SGCZ: variants seen among roughly 807,000 people sequenced by gnomAD.
SGCZ encodes the protein sarcoglycan zeta, also known as zeta-sarcoglycan.
A neutral mutation model predicts 41.3 loss-of-function variants in SGCZ; 40 were observed. The observed-to-expected ratio is 0.97, with a 90% CI of 0.75 to 1.26. The LOEUF (loss-of-function observed/expected upper bound fraction) is 1.26, where lower values mean the gene tolerates loss of function less well. Ranked by LOEUF, SGCZ falls within the 50% of genes most tolerant of loss-of-function variation. The pLI is 0.00. For synonymous variants in SGCZ, 206 were observed against 137.5 expected (o/e 1.50, Z -3.49); for missense variants, 552 against 369.8 (o/e 1.49, Z -4.04).
intron 1 of SGCZ, among the ~76,000 whole-genome samples, chr8:15,150,351 A>C (rs1345676072): frequency 1.3e-5 from 2 of 152,234 alleles, no homozygotes; most frequent in Non-Finnish European, 2.9e-5. Context: ...GGTTGAATTT[A>C]AGTCAGTCGG....
At chr8:14,344,856 C>T (rs1802840316) in intron 2 of SGCZ, among the ~76,000 whole-genome samples, 1 of 151,782 alleles carries the variant, frequency 6.6e-6, no homozygotes, top group South Asian at 2.1e-4. Flanking sequence ...TTAATAATCT[C>T]AAGTTTAGGA....
intron 1 of SGCZ, among the ~76,000 whole-genome samples, chr8:14,748,810 A>G (rs991263658): frequency 1.3e-5 from 2 of 152,142 alleles, no homozygotes; most frequent in African/African-American, 4.8e-5. Flanking sequence ...GCCTGGTATT[A>G]TATGGTGTTA....
intron 2 of SGCZ, among the ~76,000 whole-genome samples, chr8:14,339,160 A>T (rs1171927434): frequency 2.0e-5 from 3 of 152,194 alleles, no homozygotes; most frequent in Non-Finnish European, 4.4e-5. Flanking sequence ...CTTTACTTCT[A>T]CTGCAAACTT....
At chr8:14,343,568 G>T (rs1802784178) in intron 2 of SGCZ, among the ~76,000 whole-genome samples, 1 of 152,182 alleles carries the variant, frequency 6.6e-6, no homozygotes, top group Non-Finnish European at 1.5e-5. Flanking sequence ...AAAATGTTCA[G>T]AAATAGCATA....
chr8:14,433,018 T>C (rs574372124), intron 2 of SGCZ, among the ~76,000 whole-genome samples: 1 of 149,992 alleles, frequency 6.7e-6, no homozygotes, highest in South Asian at 2.1e-4. Context: ...AAAAAAAACA[T>C]TGTTTCTCAA....
chr8:14,313,910 CTG>C (rs34489718), intron 3 of SGCZ, among the ~76,000 whole-genome samples: 36,570 of 144,352 alleles, frequency 0.25, 5,164 homozygotes, highest in South Asian at 0.41. Flanking sequence ...TATCATCTCT[CTG>C]TGTGTGTGTG....
At position 14,290,667 on chromosome 8, in the gene SGCZ, T is replaced by C. The variant is rs908811923; in HGVS notation, c.336+33436A>G. Among the ~76,000 whole-genome samples the C allele has an allele frequency of 3.3e-5, 5 of 152,196 alleles. No homozygotes were observed. The South Asian group carries it at 6.2e-4, about 19-fold the overall frequency. On this transcript the variant is annotated intron_variant, in intron 3 of 7. Coordinates refer to ENST00000382080, the MANE Select transcript of SGCZ (RefSeq NM_139167.4). ...CTCACTCAAGTATGAGTGGCTAGTA[T>C]ATAAAAATTAAAAGACACCCAGTGT...
intron 2 of SGCZ, among the ~76,000 whole-genome samples, chr8:14,444,719 G>A (rs1004078207): frequency 4.6e-5 from 7 of 151,538 alleles, no homozygotes; most frequent in African/African-American, 1.2e-4. Flanking sequence ...GCTAAATGAC[G>A]AGTTAATGGG....
In SGCZ at chr8:14,394,151, T is replaced by TGCCC. The variant is rs1563300655; in HGVS notation, c.235-69948_235-69947insGGGC. Among the ~76,000 whole-genome samples, 401 of 65,648 alleles carry TGCCC rather than the reference T, an allele frequency of 6.1e-3. 5 individuals carry two copies. Among genetic ancestry groups the TGCCC allele is most frequent in the African/African-American group, 0.031 (363 of 11,718 alleles). The allele number at this position is 65,648 out of a possible 152,430, so 43.1% of individuals were successfully genotyped here. A position where few individuals can be genotyped will look rare whatever the true frequency, so the allele number is the denominator to read the frequency against. On this transcript the variant is annotated intron_variant, in intron 2 of 7. Coordinates refer to ENST00000382080, the MANE Select transcript of SGCZ (RefSeq NM_139167.4). ...GCCCTACCGCCCCCCACCTTTTTTT[T>TGCCC]TTTTTTTTTTTTTTTTTGAGATTTA... is the stretch of plus-strand genomic sequence containing the variant.
At chr8:14,494,445 C>G (rs185269232) in intron 2 of SGCZ, among the ~76,000 whole-genome samples, 1 of 152,000 alleles carries the variant, frequency 6.6e-6, no homozygotes, top group Admixed American at 6.6e-5. Context: ...TATTTCACTC[C>G]CTAATTTTAA....
chr8:14,781,445 T>G (rs1157916466), intron 1 of SGCZ, among the ~76,000 whole-genome samples: 1 of 152,078 alleles, frequency 6.6e-6, no homozygotes, highest in East Asian at 1.9e-4. Context: ...ACCAGGCTGG[T>G]CTCAAACCCC....
rs1801538857 is a variant in SGCZ at position 14,086,968 on chromosome 8, C to G, written c.*3475G>C. 6.6e-6 allele frequency among the ~76,000 whole-genome samples: 1 copy of G among 151,512 alleles called. No homozygotes were observed. The highest frequency in any genetic ancestry group is 2.4e-5 in the African/African-American group (1 of 41,334). ...CCTCTCACAGATAAGTGAACTGTGA[C>G]CAACGTAATTAAATATATGTCTTAA... is the stretch of plus-strand genomic sequence containing the variant. On this transcript the variant is annotated 3_prime_UTR_variant, in exon 8 of 8. Transcript: ENST00000382080.
chr8:14,992,979 C>G (rs1457020235), intron 1 of SGCZ, among the ~76,000 whole-genome samples: 1 of 148,328 alleles, frequency 6.7e-6, no homozygotes, highest in Non-Finnish European at 1.5e-5. Flanking sequence ...TTCAATCTAC[C>G]CCCAAAACTA....
rs557780154 is a variant in SGCZ at position 14,872,179 on chromosome 8, GC to G, written c.40-317254del. On this transcript the variant is annotated intron_variant, in intron 1 of 7. Transcript: ENST00000382080. ...ACCAGGGCCTGACAGGGCATGAGGG[GC>G]TAGGGGAGGGATAGCATTAGGAGAA... 3.2e-3 allele frequency among the ~76,000 whole-genome samples: 487 copies of G among 152,124 alleles called. 3 individuals are homozygous for G. The highest frequency in any genetic ancestry group is 0.011 in the African/African-American group (466 of 41,530).
At chr8:14,125,376 C>T (rs374407045) in intron 5 of SGCZ, among the ~76,000 whole-genome samples, 21 of 151,706 alleles carry the variant, frequency 1.4e-4, no homozygotes, top group South Asian at 8.4e-4. Flanking sequence ...TGGTGGCGGG[C>T]GCCTGTAGTC....
chr8:14,784,710 C>T lies in SGCZ; in HGVS notation c.40-229784G>A, dbSNP rs1972912. Among the ~76,000 whole-genome samples the T allele has an allele frequency of 7.5e-3, 1,134 of 151,132 alleles. 19 individuals carry two copies. Among genetic ancestry groups the T allele is most frequent in the African/African-American group, 0.026 (1,050 of 41,136 alleles). ...AGGAGTTCAAGACCAGCCTGACTAA[C>T]GTGGAGAAACCCCGTCTCTACTAAA... is the stretch of plus-strand genomic sequence containing the variant. On this transcript the variant is annotated intron_variant, in intron 1 of 7. Transcript: ENST00000382080.
intron 1 of SGCZ, among the ~76,000 whole-genome samples, chr8:15,155,747 G>A (rs1005791061): frequency 1.3e-5 from 2 of 152,108 alleles, no homozygotes; most frequent in South Asian, 2.1e-4. Flanking sequence ...CAGAAAAAAT[G>A]TATATAGCTT....
At chr8:14,094,876 C>G (rs1395415869) in intron 7 of SGCZ, among the ~76,000 whole-genome samples, 1 of 152,176 alleles carries the variant, frequency 6.6e-6, no homozygotes, top group African/African-American at 2.4e-5. Flanking sequence ...TTGCATTTCT[C>G]TAATGACCAA....
intron 2 of SGCZ, among the ~76,000 whole-genome samples, chr8:14,402,926 G>T (rs1275338049): frequency 6.7e-6 from 1 of 149,958 alleles, no homozygotes; most frequent in Non-Finnish European, 1.5e-5. Flanking sequence ...CATGAGCATG[G>T]AATGTTCTTC....
Sources: gnomAD v4.1 joint callset for allele counts (sites outside exome capture counted in the v4.1 genomes callset) on GRCh38, gnomAD v4.1.1 for gene constraint, MANE v1.5 for transcripts, NCBI Gene and HGNC (gene_info 2026-07-23, HGNC 2026-07-21) for gene names.